Variants in FBLN2 observed in about 807,000 individuals in gnomAD.
The protein encoded by FBLN2 is fibulin-2.
Under a neutral mutation model 123.7 loss-of-function variants are expected in FBLN2, and 81 were observed. The ratio of observed to expected loss-of-function variants is 0.65; its 90% confidence interval spans 0.55 to 0.79. The LOEUF (loss-of-function observed/expected upper bound fraction) is 0.79. Among genes scored for constraint, FBLN2 ranks in the 30% least tolerant of loss-of-function variants. FBLN2 has a pLI of 0.00. For missense variants in FBLN2, 1,603 were observed against 1,681.3 expected (o/e 0.95, Z 0.81); for synonymous variants, 699 against 701.4 (o/e 1.00, Z 0.05).
intron 1 of FBLN2, among the ~76,000 whole-genome samples, chr3:13,560,475 T>G (rs531328727): frequency 9.2e-5 from 14 of 152,134 alleles, no homozygotes; most frequent in African/African-American, 2.2e-4. Context: ...TCCTCCTCCT[T>G]GGGGTCTCAC....
chr3:13,591,007 A>G (rs955432666), intron 2 of FBLN2, among the ~76,000 whole-genome samples: 15 of 152,192 alleles, frequency 9.9e-5, no homozygotes, highest in East Asian at 1.9e-4. Flanking sequence ...TACATTGCCA[A>G]TTTGCATCCC....
In FBLN2 at chr3:13,563,892, C is replaced by T. The variant is rs560453607; in HGVS notation, c.-41-6423C>T. Among the ~76,000 whole-genome samples the T allele has an allele frequency of 4.6e-5, 7 of 152,272 alleles. No individual in the cohort carries two copies. In the East Asian group the frequency reaches 1.4e-3, roughly 29 times the overall value. On this transcript the variant is annotated intron_variant, in intron 1 of 17. Transcript: ENST00000404922. ...GTTGGAGGGGCAGGAGCTCCCACCT[C>T]ATCCAGGCCTCTCTCCTCCTGGTGT...
chr3:13,556,042 C>T (rs770616240), intron 1 of FBLN2, among the ~76,000 whole-genome samples: 15 of 152,130 alleles, frequency 9.9e-5, no homozygotes, highest in Admixed American at 2.0e-4. Flanking sequence ...GGAGGAGGCC[C>T]CAGCCCTCTA....
chr3:13,564,345 C>G (rs913470414), intron 1 of FBLN2, among the ~76,000 whole-genome samples: 1 of 152,160 alleles, frequency 6.6e-6, no homozygotes, highest in African/African-American at 2.4e-5. Context: ...GTTTGCAAGT[C>G]CCAGTGTTTT....
chr3:13,574,388 A>G (rs1279025460), intron 2 of FBLN2, among the ~76,000 whole-genome samples: 1 of 152,176 alleles, frequency 6.6e-6, no homozygotes, highest in African/African-American at 2.4e-5. Flanking sequence ...GTGGCCCTCC[A>G]TTGTGCCAGC....
intron 2 of FBLN2, among the ~76,000 whole-genome samples, chr3:13,574,580 A>T (rs1212388921): frequency 6.6e-6 from 1 of 151,622 alleles, no homozygotes; most frequent in East Asian, 1.9e-4. Flanking sequence ...CAAAGACAGG[A>T]CCCCCAGCCC....
In FBLN2 at chr3:13,571,429, T is replaced by C. The variant is rs369046020; in HGVS notation, c.1074T>C (p.His358=). The C allele has an allele frequency of 2.5e-6, 4 of 1,612,852 alleles. No individual in the cohort carries two copies. The highest frequency in any genetic ancestry group is 3.4e-6 in the Non-Finnish European group (4 of 1,179,614). The change falls in exon 2 of 18, where the codon CAT becomes CAC. Residue 358 remains histidine (H), a synonymous_variant. Transcript: ENST00000404922. ...GCACTGGGCCGGAGGGCGTGACGCA[T>C]GCACCGAGCCTGGGCAAGGCTGCTC... ...SRSTGPEGVT[H]APSLGKAALV...
chr3:13,613,921 C>G, intron 4 of FBLN2, 63 bp from the exon 5 acceptor site: 2 of 1,540,510 alleles, frequency 1.3e-6, no homozygotes, highest in South Asian at 2.4e-5. Context: ...ATCAGTCCCT[C>G]CCCTGAGCCT....
intron 1 of FBLN2, among the ~76,000 whole-genome samples, chr3:13,549,851 C>T: frequency 6.6e-6 from 1 of 152,158 alleles, no homozygotes; most frequent in African/African-American, 2.4e-5. Context: ...TCTCACGTCC[C>T]CTTAGCACAC....
chr3:13,549,191 C>A lies in FBLN2; in HGVS notation c.-59C>A. The A allele has an allele frequency of 1.0e-6, 1 of 982,938 alleles. No individual in the cohort carries two copies. The allele number at this position is 982,938 out of a possible 1,614,324, so 60.9% of individuals were successfully genotyped here. On this transcript the variant is annotated 5_prime_UTR_variant, in exon 1 of 18. Transcript: ENST00000404922. ...GCCGGGCGGACGGACGGACGGACGCCGAGCGCAGTGCCCCGCGGTGAGTGC... is the reference window on the plus strand; with the variant it reads ...GCCGGGCGGACGGACGGACGGACGCAGAGCGCAGTGCCCCGCGGTGAGTGC...
At chr3:13,585,689 G>A (rs1210928906) in intron 2 of FBLN2, among the ~76,000 whole-genome samples, 1 of 152,160 alleles carries the variant, frequency 6.6e-6, no homozygotes, top group Non-Finnish European at 1.5e-5. Context: ...ACTTTGGGAG[G>A]CCAAGGCAGG....
intron 4 of FBLN2, 185 bp from the exon 5 acceptor site, chr3:13,613,799 C>T (rs1384326569): frequency 3.6e-6 from 2 of 559,616 alleles, no homozygotes; most frequent in Admixed American, 3.3e-5. Context: ...AAAAGACTTA[C>T]ATTAGTCCTA....
At chr3:13,582,343 A>G (rs1704359120) in intron 2 of FBLN2, among the ~76,000 whole-genome samples, 1 of 152,196 alleles carries the variant, frequency 6.6e-6, no homozygotes. Context: ...GCTGGAGTTC[A>G]GGATCTGTGC....
intron 1 of FBLN2, among the ~76,000 whole-genome samples, chr3:13,563,493 G>T (rs185294161): frequency 6.6e-6 from 1 of 152,206 alleles, no homozygotes; most frequent in Non-Finnish European, 1.5e-5. Flanking sequence ...CTTCTCGTGG[G>T]TCACTGGACT....
At chr3:13,565,197 A>G (rs1016714649) in intron 1 of FBLN2, among the ~76,000 whole-genome samples, 2 of 152,130 alleles carry the variant, frequency 1.3e-5, no homozygotes, top group Admixed American at 6.5e-5. Flanking sequence ...CCAGGTGTGA[A>G]CCCTGCTGCC....
chr3:13,615,829 C>A (rs149862219), intron 5 of FBLN2, among the ~76,000 whole-genome samples: 16 of 152,308 alleles, frequency 1.1e-4, no homozygotes, highest in Non-Finnish European at 2.1e-4. Flanking sequence ...CCACTTCTGC[C>A]CCAGCCTTCC....
At position 13,636,433 on chromosome 3, in the gene FBLN2, C is replaced by T. The variant is rs780841908; in HGVS notation, c.3215-12C>T. The T allele has an allele frequency of 6.2e-7, 1 of 1,613,028 alleles. No homozygotes were observed. Among genetic ancestry groups the T allele is most frequent in the Non-Finnish European group, 8.5e-7 (1 of 1,179,410 alleles). On this transcript the variant is annotated splice_polypyrimidine_tract_variant and intron_variant, in intron 16 of 17. Transcript: ENST00000404922. ...CTGTGGGGACCCTGCCATTGCCCCTCTTCTCCCCCAGACGTGGATGAGTGT... is the reference window on the plus strand; with the variant it reads ...CTGTGGGGACCCTGCCATTGCCCCTTTTCTCCCCCAGACGTGGATGAGTGT...
At chr3:13,599,321 G>A (rs1470273248) in intron 2 of FBLN2, among the ~76,000 whole-genome samples, 2 of 152,232 alleles carry the variant, frequency 1.3e-5, no homozygotes, top group East Asian at 1.9e-4. Context: ...GCAGCAGATG[G>A]CACAGGGAGA....
Position 13,571,240 on chromosome 3 carries a change from G to C in FBLN2, c.885G>C (p.Gln295His), listed in dbSNP as rs1230438086. 8.3e-6 allele frequency: 13 copies of C among 1,568,640 alleles called. No homozygotes were observed. Among genetic ancestry groups the C allele is most frequent in the Non-Finnish European group, 1.1e-5 (13 of 1,157,216 alleles). ...GAGAGGAAATGGCTGTCACTGAGCAGCTGGCAGCAGGTGGCCACAGGGGGC... is the reference window on the plus strand; with the variant it reads ...GAGAGGAAATGGCTGTCACTGAGCACCTGGCAGCAGGTGGCCACAGGGGGC... ...EEREEMAVTE[Q>H]LAAGGHRGLD... is the part of the protein sequence containing the mutation. The change falls in exon 2 of 18, where the codon CAG becomes CAC. Residue 295 changes from glutamine (Q) to histidine (H), a missense_variant. Transcript: ENST00000404922.
Sources: allele counts gnomAD v4.1 joint callset (sites outside exome capture counted in the v4.1 genomes callset), GRCh38; gene constraint gnomAD v4.1.1; transcripts MANE v1.5; gene names NCBI Gene and HGNC (gene_info 2026-07-23, HGNC 2026-07-21).